PLCL1: variants seen among roughly 807,000 people sequenced by gnomAD.
PLCL1 encodes the protein inactive phospholipase C-like protein 1.
A neutral mutation model predicts 84.4 loss-of-function variants in PLCL1; 41 were observed. That is an observed-to-expected ratio of 0.49 (90% CI 0.38 to 0.63). PLCL1 has a LOEUF of 0.63. PLCL1 is among the 30% of genes least tolerant of loss of function. The pLI is 0.00. For synonymous variants in PLCL1, 490 were observed against 488.3 expected, an observed-to-expected ratio of 1.00 and a Z score of -0.05; for missense variants, 1,206 against 1,367.8, an observed-to-expected ratio of 0.88 and a Z score of 1.87.
chr2:198,117,611 A>G (rs1307968855), intron 5 of PLCL1, among the ~76,000 whole-genome samples: 1 of 151,832 alleles, frequency 6.6e-6, no homozygotes, highest in Non-Finnish European at 1.5e-5. Context: ...ATGGCTCTCC[A>G]CACTTACCAC....
chr2:198,082,126 C>T, intron 1 of PLCL1, among the ~76,000 whole-genome samples: 1 of 152,188 alleles, frequency 6.6e-6, no homozygotes, highest in East Asian at 1.9e-4. Context: ...AAAGCATAAC[C>T]TTTCAAGCGC....
chr2:197,842,064 T>C (rs1449263930), intron 1 of PLCL1, among the ~76,000 whole-genome samples: 2 of 152,192 alleles, frequency 1.3e-5, no homozygotes, highest in Admixed American at 1.3e-4. Context: ...CCAGATTTGT[T>C]TGGCCTCATA....
intron 1 of PLCL1, among the ~76,000 whole-genome samples, chr2:197,997,953 C>T (rs538820320): frequency 6.6e-6 from 1 of 152,144 alleles, no homozygotes; most frequent in African/African-American, 2.4e-5. Flanking sequence ...TAAATACCTT[C>T]TGGGTATTAA....
chr2:197,949,626 C>T (rs771008812), intron 1 of PLCL1, among the ~76,000 whole-genome samples: 1 of 152,054 alleles, frequency 6.6e-6, no homozygotes, highest in Non-Finnish European at 1.5e-5. Context: ...CCTTACATAA[C>T]AAGGGGAATT....
chr2:197,886,250 A>G (rs1293846759), intron 1 of PLCL1, among the ~76,000 whole-genome samples: 1 of 151,780 alleles, frequency 6.6e-6, no homozygotes, highest in Non-Finnish European at 1.5e-5. Context: ...TGTCTCTACT[A>G]AAAATACAAA....
chr2:198,072,415 G>T (rs1428193549), intron 1 of PLCL1, among the ~76,000 whole-genome samples: 1 of 151,420 alleles, frequency 6.6e-6, no homozygotes, highest in African/African-American at 2.4e-5. Context: ...TATATTTTCT[G>T]CAAGTAATAA....
At chr2:198,122,585 C>T (rs1054977550) in intron 5 of PLCL1, among the ~76,000 whole-genome samples, 3 of 152,100 alleles carry the variant, frequency 2.0e-5, no homozygotes, top group South Asian at 4.2e-4. Flanking sequence ...TTGGAATAAT[C>T]CTCTCATCTT....
chr2:198,080,598 A>G (rs1054273477), intron 1 of PLCL1, among the ~76,000 whole-genome samples: 1 of 152,236 alleles, frequency 6.6e-6, no homozygotes, highest in African/African-American at 2.4e-5. Context: ...CTCTGAATCC[A>G]GACATTGTCC....
At chr2:198,061,940 T>C (rs1181817874) in intron 1 of PLCL1, among the ~76,000 whole-genome samples, 1 of 152,184 alleles carries the variant, frequency 6.6e-6, no homozygotes, top group Non-Finnish European at 1.5e-5. Flanking sequence ...TGATTCTTAC[T>C]TTTTCCTCCA....
chr2:197,979,201 G>C (rs1690052289), intron 1 of PLCL1, among the ~76,000 whole-genome samples: 1 of 152,146 alleles, frequency 6.6e-6, no homozygotes, highest in African/African-American at 2.4e-5. Context: ...CTTTGGGACT[G>C]TACATGATTT....
intron 1 of PLCL1, among the ~76,000 whole-genome samples, chr2:197,840,074 T>C (rs1686964642): frequency 6.6e-6 from 1 of 152,196 alleles, no homozygotes; most frequent in Admixed American, 6.5e-5. Context: ...CAAGGTCATC[T>C]CTAAATATAA....
intron 1 of PLCL1, among the ~76,000 whole-genome samples, chr2:197,936,219 A>T (rs1366069107): frequency 6.7e-6 from 1 of 148,778 alleles, no homozygotes; most frequent in Non-Finnish European, 1.5e-5. Flanking sequence ...ATAGTGCTGC[A>T]GTGCATGGAG....
intron 5 of PLCL1, among the ~76,000 whole-genome samples, chr2:198,108,150 T>C (rs563550107): frequency 6.6e-6 from 1 of 152,040 alleles, no homozygotes; most frequent in South Asian, 2.1e-4. Context: ...TCAGAGCTCC[T>C]CTAAGTATTT....
At chr2:197,953,929 G>A (rs974764608) in intron 1 of PLCL1, among the ~76,000 whole-genome samples, 1 of 150,770 alleles carries the variant, frequency 6.6e-6, no homozygotes, top group African/African-American at 2.4e-5. Context: ...GAATAAATCT[G>A]CATGTATTTT....
chr2:198,109,816 C>A (rs1352744864), intron 5 of PLCL1, among the ~76,000 whole-genome samples: 1 of 151,812 alleles, frequency 6.6e-6, no homozygotes. Flanking sequence ...ATTTTTCTAA[C>A]TTGTCCTGTT....
intron 3 of PLCL1, among the ~76,000 whole-genome samples, chr2:198,096,057 T>C (rs1417519801): frequency 2.6e-5 from 4 of 152,202 alleles, no homozygotes; most frequent in African/African-American, 9.6e-5. Context: ...ACAAGAATAT[T>C]TTGGATGCCT....
chr2:197,830,288 G>T (rs977800560), intron 1 of PLCL1, among the ~76,000 whole-genome samples: 1 of 151,898 alleles, frequency 6.6e-6, no homozygotes, highest in Non-Finnish European at 1.5e-5. Flanking sequence ...AGGTTAGAGG[G>T]ATTGCTAACT....
chr2:197,958,176 T>A (rs926684345), intron 1 of PLCL1, among the ~76,000 whole-genome samples: 1 of 152,050 alleles, frequency 6.6e-6, no homozygotes, highest in Non-Finnish European at 1.5e-5. Context: ...ATTAGCCTTT[T>A]TTTTTGGTGA....
chr2:198,071,235 G>A (rs1410023245), intron 1 of PLCL1, among the ~76,000 whole-genome samples: 1 of 151,660 alleles, frequency 6.6e-6, no homozygotes, highest in Non-Finnish European at 1.5e-5. Context: ...GCCAGTCCTT[G>A]GAATGGATGT....
Sources: allele counts gnomAD v4.1 joint callset (sites outside exome capture counted in the v4.1 genomes callset), GRCh38; gene constraint gnomAD v4.1.1; transcripts MANE v1.5; gene names NCBI Gene and HGNC (gene_info 2026-07-23, HGNC 2026-07-21).